Variants in PNMA8A observed in about 807,000 individuals in gnomAD.
The protein encoded by PNMA8A is paraneoplastic antigen-like protein 8A.
Under a neutral mutation model 26.6 loss-of-function variants are expected in PNMA8A, and 17 were observed. The observed-to-expected ratio is 0.64, with a 90% CI of 0.44 to 0.96. The LOEUF is 0.96. Among genes scored for constraint, PNMA8A ranks in the 40% least tolerant of loss-of-function variants. The pLI is 0.00. For synonymous variants in PNMA8A, 224 were observed against 182.0 expected (o/e 1.23, Z -1.86); for missense variants, 532 against 488.4 (o/e 1.09, Z -0.84).
At chr19:46,468,607 A>G (rs1400201357) in intron 2 of PNMA8A, 30 bp from the exon 3 acceptor site, 1 of 1,594,980 alleles carries the variant, frequency 6.3e-7, no homozygotes, top group South Asian at 1.1e-5. Flanking sequence ...CAGATCAAGA[A>G]GGGAAGCAGA....
intron 2 of PNMA8A, 58 bp from the exon 3 acceptor site, chr19:46,468,635 T>C (rs1969740187): frequency 7.0e-7 from 1 of 1,430,458 alleles, no homozygotes; most frequent in African/African-American, 1.4e-5. Context: ...CATTAGGAAA[T>C]GCATTACTTC....
rs1470042228 is a variant in PNMA8A at position 46,468,596 on chromosome 19, A to C, written c.1304-19T>G. ...CTGGATTCTGCAAATAAATGAGAGA[A>C]CAGATCAAGAAGGGAAGCAGAGAGG... On this transcript the variant is annotated intron_variant, in intron 2 of 2. Coordinates refer to ENST00000313683, the MANE Select transcript of PNMA8A (RefSeq NM_018215.4). 5 of 1,606,486 alleles carry C rather than the reference A, an allele frequency of 3.1e-6. No individual in the cohort carries two copies. Among genetic ancestry groups the C allele is most frequent in the Non-Finnish European group, 4.3e-6 (5 of 1,173,276 alleles).
rs778808978 is a variant in PNMA8A at position 46,471,071 on chromosome 19, T to G, written c.-36A>C. The G allele has an allele frequency of 7.1e-6, 5 of 705,994 alleles. No individual in the cohort carries two copies. Among genetic ancestry groups the G allele is most frequent in the African/African-American group, 7.0e-5 (4 of 56,986 alleles). 43.7% of individuals were successfully genotyped at this position (705,994 alleles called of 1,614,324 possible). ...TGAACCTACTATGTGTAGTAAATAG[T>G]CTATCAGGTGGACGTGGGCTGCAGC... is the stretch of plus-strand genomic sequence containing the variant. On this transcript the variant is annotated 5_prime_UTR_variant, in exon 2 of 3. Coordinates refer to ENST00000313683, the MANE Select transcript of PNMA8A (RefSeq NM_018215.4).
rs1969772983 is a variant in PNMA8A at position 46,470,470 on chromosome 19, G to A, written c.566C>T (p.Ala189Val). The A allele has an allele frequency of 6.2e-7, 1 of 1,613,962 alleles. No individual in the cohort carries two copies. The highest frequency in any genetic ancestry group is 8.5e-7 in the Non-Finnish European group (1 of 1,180,022). ...CTTCACCTTCCTCCCTGCTGCTAAA[G>A]CCCAGGCTGCCATCTCCTCGAATTC... Reference protein sequence around the residue: ...AAEFEEMAAWALAAGRKVKKE... With the variant: ...AAEFEEMAAWVLAAGRKVKKE... The change falls in exon 2 of 3, where the codon GCT becomes GTT. Residue 189 changes from alanine (A) to valine (V), a missense_variant. Physicochemically the swap from Ala to Val is moderately conservative, Grantham distance 64. Transcript: ENST00000313683.
chr19:46,467,866 A>AC lies in PNMA8A; in HGVS notation c.*694dup, dbSNP rs1400846145. The AC allele has an allele frequency of 1.3e-5, 2 of 151,762 alleles. No homozygotes were observed. The highest frequency in any genetic ancestry group is 4.8e-5 in the African/African-American group (2 of 41,282). 9.4% of individuals were successfully genotyped at this position (151,762 alleles called of 1,614,324 possible). A position where few individuals can be genotyped will look rare whatever the true frequency, so the allele number is the denominator to read the frequency against. On this transcript the variant is annotated 3_prime_UTR_variant, in exon 3 of 3. Coordinates refer to ENST00000313683, the MANE Select transcript of PNMA8A (RefSeq NM_018215.4). ...AATGCCTGCGTCCTTCCCTATAATC[A>AC]CCCCCCTTCCCCACAGGATTCCTGA...
Position 46,469,862 on chromosome 19 carries a change from C to G in PNMA8A, c.1174G>C (p.Gly392Arg). The change falls in exon 2 of 3, where the codon GGG becomes CGG. Residue 392 changes from glycine to arginine, a missense_variant. Gly to Arg is a moderately radical substitution (Grantham distance 125). Coordinates refer to ENST00000313683, the MANE Select transcript of PNMA8A (RefSeq NM_018215.4). The stretch of plus-strand genomic sequence containing the variant: ...GATGCCTCCCTTCTTGAGCCTGGCC[C>G]TTTCTTTGGCATCACCGGCTTCTTC... ...GRKKPVMPKK[G>R]PGSRREASDQ... 6.2e-7 allele frequency: 1 copy of G among 1,614,234 alleles called. No homozygotes were observed. The highest frequency in any genetic ancestry group is 8.5e-7 in the Non-Finnish European group (1 of 1,180,044).
rs765349724 is a variant in PNMA8A, at chr19:46,470,409, G to T, written c.627C>A (p.Ala209=). The change falls in exon 2 of 3, where the codon GCC becomes GCA. Residue 209 remains alanine (A), a synonymous_variant. Coordinates refer to ENST00000313683, the MANE Select transcript of PNMA8A (RefSeq NM_018215.4). ...EPGLAAEVGS[A]LKAETPNNWN... ...AGTTGTTGGGGGTCTCTGCCTTTAA[G>T]GCAGAACCCACCTCTGCTGCAAGCC... is the stretch of plus-strand genomic sequence containing the variant. The T allele has an allele frequency of 4.6e-5, 75 of 1,613,950 alleles. 3 individuals carry two copies. Among genetic ancestry groups the T allele is most frequent in the South Asian group, 2.7e-4 (25 of 91,084 alleles).
chr19:46,471,281 A>C, intron 1 of PNMA8A, 56 bp downstream of exon 1: 8 of 402,530 alleles, frequency 2.0e-5, no homozygotes, highest in African/African-American at 4.1e-5. Context: ...TCTGCAGCAA[A>C]AGGCCCTAGG....
chr19:46,470,568 T>TGCTCCCAGAAGC lies in PNMA8A; in HGVS notation c.456_467dup (p.Leu153_Ala156dup). On this transcript the variant is annotated inframe_insertion, in exon 2 of 3. Transcript: ENST00000313683. ...CCATGCAGAAGATGATCTGCACCAC[T>TGCTCCCAGAAGC]GCTCCCAGAAGCACCCCCAGAGCTT... The TGCTCCCAGAAGC allele has an allele frequency of 6.2e-7, 1 of 1,614,090 alleles. No individual in the cohort carries two copies. Among genetic ancestry groups the TGCTCCCAGAAGC allele is most frequent in the Non-Finnish European group, 8.5e-7 (1 of 1,180,022 alleles).
Position 46,467,984 on chromosome 19 carries a change from CCTAAAA to C in PNMA8A, c.*571_*576del, listed in dbSNP as rs147760710. 0.11 allele frequency: 17,215 copies of C among 152,330 alleles called. 1,176 individuals carry two copies. The highest frequency in any genetic ancestry group is 0.2 in the Middle Eastern group (60 of 294). The allele number at this position is 152,330 out of a possible 1,614,324, so 9.4% of individuals were successfully genotyped here. The stretch of plus-strand genomic sequence containing the variant: ...GAGGTCTAGGCAGACATTCTTTTTC[CCTAAAA>C]CTAACTCTTGGGACCTCCTGGCTAG... On this transcript the variant is annotated 3_prime_UTR_variant, in exon 3 of 3. Transcript: ENST00000313683.
intron 2 of PNMA8A, among the ~76,000 whole-genome samples, 185 bp from the exon 3 acceptor site, chr19:46,468,762 T>TG (rs1969741993): frequency 6.6e-6 from 1 of 151,424 alleles, no homozygotes; most frequent in African/African-American, 2.4e-5. Context: ...ATATTTTTTT[T>TG]GGGGGGAGGG....
At position 46,466,540 on chromosome 19, in the gene PNMA8A, C is replaced by T. The variant is rs1364051513; in HGVS notation, c.*2021G>A. The T allele has an allele frequency of 6.6e-6, 1 of 152,152 alleles. No individual in the cohort carries two copies. The highest frequency in any genetic ancestry group is 2.4e-5 in the African/African-American group (1 of 41,424). 9.4% of individuals were successfully genotyped at this position (152,152 alleles called of 1,614,324 possible). A position where few individuals can be genotyped will look rare whatever the true frequency, so the allele number is the denominator to read the frequency against. On this transcript the variant is annotated 3_prime_UTR_variant, in exon 3 of 3. Coordinates refer to ENST00000313683, the MANE Select transcript of PNMA8A (RefSeq NM_018215.4). ...ACTTTATTTTATACATACACGTTTA[C>T]ATTTACTAGTCATGGTGTCAACTTG...
chr19:46,470,883 G>T lies in PNMA8A; in HGVS notation c.153C>A (p.Gly51=), dbSNP rs780067590. Residue 51 remains glycine (G), a synonymous_variant, in exon 2 of 3, where the codon GGC becomes GGA. Transcript: ENST00000313683. Reference sequence around the variant, plus strand: ...AAATCTTGTTGAGCACGCGGTACGGGCCCAGTGGGGAGAGGACCCCATTCA... The same window carrying T: ...AAATCTTGTTGAGCACGCGGTACGGTCCCAGTGGGGAGAGGACCCCATTCA... ...ETLNGVLSPL[G]PYRVLNKIFV... 3.8e-6 allele frequency: 3 copies of T among 780,872 alleles called. No individual in the cohort carries two copies. Among genetic ancestry groups the T allele is most frequent in the African/African-American group, 3.4e-5 (2 of 59,118 alleles). 48.4% of individuals were successfully genotyped at this position (780,872 alleles called of 1,614,324 possible).
In PNMA8A at chr19:46,469,902, G is replaced by C; in HGVS notation, c.1134C>G (p.Asp378Glu). Residue 378 changes from aspartate (D) to glutamate (E), a missense_variant, in exon 2 of 3, where the codon GAC (aspartate) becomes GAG (glutamate). Transcript: ENST00000313683. ...CCGGCTTCTTCCTGCCATCTTCTGA[G>C]TCAACCAAGACGTAGGAGACAGGGC... ...SLGPVSYVLV[D>E]SEDGRKKPVM... The C allele has an allele frequency of 6.2e-7, 1 of 1,614,190 alleles. No individual in the cohort carries two copies. The highest frequency in any genetic ancestry group is 2.2e-5 in the East Asian group (1 of 44,878).
chr19:46,468,685 C>T (rs958594095), intron 2 of PNMA8A, 108 bp from the exon 3 acceptor site: 5 of 873,672 alleles, frequency 5.7e-6, no homozygotes, highest in Non-Finnish European at 7.6e-6. Context: ...TATTCCCCAG[C>T]CAGGTCTCTA....
chr19:46,468,752 A>G (rs1310994767), intron 2 of PNMA8A, among the ~76,000 whole-genome samples, 175 bp from the exon 3 acceptor site: 1 of 151,928 alleles, frequency 6.6e-6, no homozygotes, highest in Non-Finnish European at 1.5e-5. Flanking sequence ...CAAAGTATTA[A>G]TATTTTTTTT....
chr19:46,469,677 C>T (rs1218252930), intron 2 of PNMA8A, 56 bp downstream of exon 2: 9 of 1,518,190 alleles, frequency 5.9e-6, no homozygotes, highest in South Asian at 1.3e-5. Context: ...ACTCCTGCTC[C>T]TCCTGCCTCA....
rs1415997429 is a variant in PNMA8A at position 46,468,592 on chromosome 19, G to A, written c.1304-15C>T. On this transcript the variant is annotated splice_polypyrimidine_tract_variant and intron_variant, in intron 2 of 2. Transcript: ENST00000313683. The stretch of plus-strand genomic sequence containing the variant: ...CTTTCTGGATTCTGCAAATAAATGA[G>A]AGAACAGATCAAGAAGGGAAGCAGA... 3.7e-6 allele frequency: 6 copies of A among 1,609,168 alleles called. No individual in the cohort carries two copies. Among genetic ancestry groups the A allele is most frequent in the East Asian group, 2.2e-5 (1 of 44,864 alleles).
intron 2 of PNMA8A, among the ~76,000 whole-genome samples, chr19:46,469,440 G>A (rs1180948554): frequency 6.6e-6 from 1 of 152,100 alleles, no homozygotes; most frequent in African/African-American, 2.4e-5. Context: ...CAAGGAAGAT[G>A]GGTCAGATGG....
Sources: allele counts gnomAD v4.1 joint callset (sites outside exome capture counted in the v4.1 genomes callset), GRCh38; gene constraint gnomAD v4.1.1; transcripts MANE v1.5; gene names NCBI Gene and HGNC (gene_info 2026-07-23, HGNC 2026-07-21).